The following NKAIN3 variants were observed in gnomAD, a reference collection of about 807,000 sequenced individuals.
NKAIN3 encodes the protein sodium/potassium transporting ATPase interacting 3.
NKAIN3 carries 25 observed loss-of-function variants against 30.2 expected under a neutral mutation model. The ratio of observed to expected loss-of-function variants is 0.83; its 90% CI spans 0.60 to 1.16. NKAIN3 has a LOEUF of 1.16. Among genes scored for constraint, NKAIN3 ranks in the 50% most tolerant of loss-of-function variants. The probability of loss-of-function intolerance (pLI) is 0.00; values close to 1 mark genes in which losing one functional copy is unlikely to be tolerated. For synonymous variants in NKAIN3, 91 were observed against 89.6 expected (o/e 1.02, Z -0.09); for missense variants, 225 against 254.1 (o/e 0.89, Z 0.78).
chr8:62,512,265 G>A (rs189568368), intron 1 of NKAIN3, among the ~76,000 whole-genome samples: 148 of 152,230 alleles, frequency 9.7e-4, no homozygotes, highest in African/African-American at 3.2e-3. Flanking sequence ...ATTGATGGAA[G>A]ACTGTGTGTT....
In NKAIN3 at chr8:62,249,138, C is replaced by T; in HGVS notation, c.54+11C>T. 2 of 1,531,992 alleles carry T rather than the reference C, an allele frequency of 1.3e-6. No individual in the cohort carries two copies. The highest frequency in any genetic ancestry group is 1.8e-6 in the Non-Finnish European group (2 of 1,141,410). The allele number at this position is 1,531,992 out of a possible 1,614,324, so 94.9% of individuals were successfully genotyped here. ...TGCGCGCTGCAGTTGGTGAGTGCCC[C>T]GAGGGCCCCTGCCCCAGGACAGGTC... On this transcript the variant is annotated intron_variant, in intron 1 of 6. Coordinates refer to ENST00000623646, the MANE Select transcript of NKAIN3 (RefSeq NM_001304533.3).
chr8:62,677,796 C>T (rs1022812779), intron 3 of NKAIN3, among the ~76,000 whole-genome samples: 1 of 152,180 alleles, frequency 6.6e-6, no homozygotes, highest in African/African-American at 2.4e-5. Flanking sequence ...CCCACCTGTG[C>T]ATCTCTGATG....
At chr8:62,688,025 G>C (rs1037816205) in intron 3 of NKAIN3, among the ~76,000 whole-genome samples, 1 of 152,232 alleles carries the variant, frequency 6.6e-6, no homozygotes, top group Non-Finnish European at 1.5e-5. Context: ...TAAAGTTTTA[G>C]AGTTGGGAGG....
intron 1 of NKAIN3, among the ~76,000 whole-genome samples, chr8:62,270,953 T>C (rs1812760269): frequency 1.3e-5 from 2 of 152,214 alleles, no homozygotes; most frequent in South Asian, 2.1e-4. Context: ...TGAAAACTTA[T>C]GAAAATATTA....
intron 2 of NKAIN3, among the ~76,000 whole-genome samples, chr8:62,586,758 A>G (rs1454159934): frequency 6.6e-6 from 1 of 152,046 alleles, no homozygotes; most frequent in East Asian, 1.9e-4. Context: ...TCCTTGTAAA[A>G]CTAGGATATA....
At chr8:62,809,119 C>A (rs1818400581) in intron 4 of NKAIN3, among the ~76,000 whole-genome samples, 3 of 152,314 alleles carry the variant, frequency 2.0e-5, no homozygotes, top group East Asian at 1.9e-4. Flanking sequence ...TTCCGCCCAG[C>A]TCTCAGGTAG....
At chr8:62,660,934 C>T (rs1812925300) in intron 3 of NKAIN3, among the ~76,000 whole-genome samples, 2 of 152,208 alleles carry the variant, frequency 1.3e-5, no homozygotes, top group Admixed American at 6.5e-5. Context: ...GAGACTTCTC[C>T]TGCTTTTGTA....
At chr8:62,296,804 T>A (rs1367076678) in intron 1 of NKAIN3, among the ~76,000 whole-genome samples, 1 of 152,170 alleles carries the variant, frequency 6.6e-6, no homozygotes, top group Non-Finnish European at 1.5e-5. Flanking sequence ...GCAGCCAGTT[T>A]CTTCTTCATT....
At chr8:62,642,314 C>T (rs958182727) in intron 3 of NKAIN3, among the ~76,000 whole-genome samples, 3 of 152,020 alleles carry the variant, frequency 2.0e-5, no homozygotes, top group African/African-American at 4.8e-5. Context: ...CTCAACAAAA[C>T]GTATACCCAT....
intron 3 of NKAIN3, among the ~76,000 whole-genome samples, chr8:62,640,698 CA>C (rs1812280837): frequency 6.6e-6 from 1 of 152,050 alleles, no homozygotes; most frequent in South Asian, 2.1e-4. Context: ...CCCAGCCTGG[CA>C]AACACGTCTG....
chr8:62,552,191 C>A (rs889960701), intron 1 of NKAIN3, among the ~76,000 whole-genome samples: 2 of 152,146 alleles, frequency 1.3e-5, no homozygotes, highest in Middle Eastern at 6.8e-3. Context: ...TGTTTTATTT[C>A]CAAGTATGGT....
In NKAIN3 at chr8:62,248,860, C is replaced by A. The variant is rs969643426; in HGVS notation, c.-214C>A. On this transcript the variant is annotated 5_prime_UTR_variant, in exon 1 of 7. Coordinates refer to ENST00000623646, the MANE Select transcript of NKAIN3 (RefSeq NM_001304533.3). ...GTGGGACGCAGGGACCCCCGCCAGA[C>A]GCTCGGGTCGTGCGCACCGCACTGA... The A allele has an allele frequency of 1.5e-5, 8 of 521,438 alleles. No individual in the cohort carries two copies. The highest frequency in any genetic ancestry group is 2.3e-5 in the Non-Finnish European group (7 of 300,276). 32.3% of individuals were successfully genotyped at this position (521,438 alleles called of 1,614,324 possible). A position where few individuals can be genotyped will look rare whatever the true frequency, so the allele number is the denominator to read the frequency against.
rs958086737 is a variant in NKAIN3 at position 62,972,182 on chromosome 8, G to A, written c.*6775G>A. On this transcript the variant is annotated 3_prime_UTR_variant, in exon 7 of 7. Transcript: ENST00000623646. The stretch of plus-strand genomic sequence containing the variant: ...TCAGTGCTTGGGAAGTCAGGAGTAC[G>A]AGAGATAAATAAGAAGTATATGATC... 2.6e-5 allele frequency among the ~76,000 whole-genome samples: 4 copies of A among 152,104 alleles called. No homozygotes were observed. The highest frequency in any genetic ancestry group is 3.8e-4 in the East Asian group (2 of 5,204).
At chr8:62,901,673 G>A (rs1235503026) in intron 4 of NKAIN3, among the ~76,000 whole-genome samples, 1 of 152,150 alleles carries the variant, frequency 6.6e-6, no homozygotes, top group Non-Finnish European at 1.5e-5. Context: ...CCGCAAGTTA[G>A]GAAGGCCATG....
Position 62,308,826 on chromosome 8 carries a change from G to T in NKAIN3, c.54+59699G>T, listed in dbSNP as rs1041524920. On this transcript the variant is annotated intron_variant, in intron 1 of 6. Coordinates refer to ENST00000623646, the MANE Select transcript of NKAIN3 (RefSeq NM_001304533.3). ...ACTAAATTCAGAAATAGAAATTTCA[G>T]AACTGCAAAACAACCTTGCATTTTA... Among the ~76,000 whole-genome samples, 9 of 150,486 alleles carry T rather than the reference G, an allele frequency of 6.0e-5. 1 individual carries two copies. The highest frequency in any genetic ancestry group is 1.3e-4 in the Admixed American group (2 of 15,186).
intron 3 of NKAIN3, among the ~76,000 whole-genome samples, chr8:62,618,165 T>A (rs1304290926): frequency 1.3e-5 from 2 of 152,184 alleles, no homozygotes; most frequent in African/African-American, 4.8e-5. Context: ...CAACTCACAT[T>A]CCCCATTTAG....
chr8:62,454,323 A>AAAAAAAAAAAAAAAAC (rs1360909972), intron 1 of NKAIN3, among the ~76,000 whole-genome samples: 1 of 145,102 alleles, frequency 6.9e-6, no homozygotes, highest in African/African-American at 2.5e-5. Context: ...AAAAAAAAAA[A>AAAAAAAAAAAAAAAAC]TCTGAAAATC....
chr8:62,835,635 A>G (rs1344965711), intron 4 of NKAIN3, among the ~76,000 whole-genome samples: 3 of 152,180 alleles, frequency 2.0e-5, no homozygotes, highest in African/African-American at 7.2e-5. Flanking sequence ...CCAAAACCAC[A>G]ATGAGATACA....
intron 1 of NKAIN3, among the ~76,000 whole-genome samples, chr8:62,280,215 C>T (rs893287300): frequency 2.0e-5 from 3 of 152,070 alleles, no homozygotes; most frequent in East Asian, 1.9e-4. Context: ...GATTTTTGCA[C>T]GTTGATTTTG....
Sources: gnomAD v4.1 joint callset for allele counts (sites outside exome capture counted in the v4.1 genomes callset) on GRCh38, gnomAD v4.1.1 for gene constraint, MANE v1.5 for transcripts, NCBI Gene and HGNC (gene_info 2026-07-23, HGNC 2026-07-21) for gene names.